Variants in CWC22 observed in about 807,000 individuals in gnomAD.
CWC22 encodes CWC22 spliceosome associated protein, also known as pre-mRNA-splicing factor CWC22 homolog.
A neutral mutation model predicts 117.2 loss-of-function variants in CWC22; 53 were observed. The ratio of observed to expected loss-of-function variants is 0.45; its 90% CI spans 0.36 to 0.57. The LOEUF is 0.57. Ranked by LOEUF, CWC22 falls within the 20% of genes least tolerant of loss-of-function variation. CWC22 has a pLI of 0.00. For synonymous variants in CWC22, 360 were observed against 355.6 expected (o/e 1.01, Z -0.14); for missense variants, 980 against 1,068.8 (o/e 0.92, Z 1.16).
intron 4 of CWC22, 24 bp from the exon 5 acceptor site, chr2:179,982,021 G>T: frequency 7.8e-7 from 1 of 1,288,146 alleles, no homozygotes; most frequent in Non-Finnish European, 1.1e-6. Flanking sequence ...TTTTTGAAGA[G>T]CAGAAAAGAC....
intron 19 of CWC22, 60 bp downstream of exon 19, chr2:179,950,452 A>T: frequency 1.0e-6 from 1 of 1,003,830 alleles, no homozygotes. Context: ...CTTCCTTCAT[A>T]TATATCAGCA....
chr2:179,976,815 G>A lies in CWC22; in HGVS notation c.581+1375C>T, dbSNP rs146984436. Among the ~76,000 whole-genome samples the A allele has an allele frequency of 4.0e-3, 607 of 152,256 alleles. 18 individuals are homozygous for A. The highest frequency in any genetic ancestry group is 0.01 in the Middle Eastern group (3 of 294). ...ACACTGTTGGTAGAAATATAAATTA[G>A]TACAGCCATTATGAAAATAGTATAG... On this transcript the variant is annotated intron_variant, in intron 6 of 19. Transcript: ENST00000410053.
chr2:179,988,662 G>A lies in CWC22; in HGVS notation c.28-18C>T, dbSNP rs146090859. On this transcript the variant is annotated intron_variant, in intron 2 of 19. Transcript: ENST00000410053. ...GAAGAAGGCTTTAAAAGAGGAAAAG[G>A]GGAAAACATTTCAAAAATTATTTAT... 1 of 1,396,550 alleles carries A rather than the reference G, an allele frequency of 7.2e-7. No homozygotes were observed. Among genetic ancestry groups the A allele is most frequent in the African/African-American group, 1.5e-5 (1 of 68,928 alleles). 86.5% of individuals were successfully genotyped at this position (1,396,550 alleles called of 1,614,324 possible).
chr2:179,997,555 A>C (rs1346973357), intron 1 of CWC22, among the ~76,000 whole-genome samples: 2 of 152,160 alleles, frequency 1.3e-5, no homozygotes. Flanking sequence ...AGGTATAGAG[A>C]GCCATAAAAC....
chr2:179,973,215 G>A lies in CWC22; in HGVS notation c.782C>T (p.Ala261Val), dbSNP rs767672916. The A allele has an allele frequency of 1.9e-6, 3 of 1,601,280 alleles. No homozygotes were observed. The highest frequency in any genetic ancestry group is 2.2e-5 in the East Asian group (1 of 44,612). Reference sequence around the variant, plus strand: ...TACCACATTTTGGTTAATAAGATGCGCCACAAATTTTGAAGCAGTCAGGCA... The same window carrying A: ...TACCACATTTTGGTTAATAAGATGCACCACAAATTTTGAAGCAGTCAGGCA... ...QLCLTASKFVAHLINQNVAHE... is the reference protein window; with the variant it reads ...QLCLTASKFVVHLINQNVAHE... The change falls in exon 8 of 20, where the codon GCG becomes GTG. Residue 261 changes from alanine (A) to valine (V), a missense_variant. Ala to Val is a moderately conservative substitution (Grantham distance 64). This residue lies in a region of CWC22 where 559 missense variants were observed against 602.3 expected (regional missense o/e 0.93). Transcript: ENST00000410053.
At chr2:179,966,996 G>C (rs2105523886) in intron 11 of CWC22, among the ~76,000 whole-genome samples, 1 of 152,256 alleles carries the variant, frequency 6.6e-6, no homozygotes, top group East Asian at 1.9e-4. Context: ...TAAATCTCAA[G>C]AATATTTCAA....
chr2:179,945,737 CAGTT>C, intron 19 of CWC22, 22 bp from the exon 20 acceptor site: 5 of 1,337,460 alleles, frequency 3.7e-6, no homozygotes, highest in Non-Finnish European at 5.2e-6. Flanking sequence ...AAATAAAAGA[CAGTT>C]AGCTTTTATT....
intron 5 of CWC22, among the ~76,000 whole-genome samples, chr2:179,978,593 C>A (rs777623071): frequency 3.9e-5 from 6 of 151,916 alleles, no homozygotes; most frequent in Non-Finnish European, 5.9e-5. Flanking sequence ...TGTTCTTATG[C>A]CTAGTACATT....
intron 5 of CWC22, among the ~76,000 whole-genome samples, chr2:179,981,328 TAC>T (rs1348232689): frequency 2.0e-5 from 3 of 152,210 alleles, no homozygotes; most frequent in Admixed American, 6.5e-5. Flanking sequence ...GTAAAATATT[TAC>T]AGTGTGGGCT....
chr2:179,954,229 T>C lies in CWC22; in HGVS notation c.1665A>G (p.Leu555=). 6.2e-7 allele frequency: 1 copy of C among 1,611,810 alleles called. No individual in the cohort carries two copies. The highest frequency in any genetic ancestry group is 1.1e-5 in the South Asian group (1 of 90,922). Reference sequence around the variant, plus strand: ...CACTCCATGGAAGTGAATCAGTGTATAAAAGGTGAGCAAACATCTTAGCAA... The same window carrying C: ...CACTCCATGGAAGTGAATCAGTGTACAAAAGGTGAGCAAACATCTTAGCAA... The part of the protein sequence containing the change: ...RNVAKMFAHL[L]YTDSLPWSVL... Residue 555 remains leucine, a synonymous_variant, in exon 16 of 20, where the codon TTA becomes TTG. Coordinates refer to ENST00000410053, the MANE Select transcript of CWC22 (RefSeq NM_020943.3).
intron 14 of CWC22, 129 bp from the exon 15 acceptor site, chr2:179,955,163 A>G: frequency 3.0e-6 from 2 of 668,956 alleles, no homozygotes; most frequent in Non-Finnish European, 5.0e-6. Context: ...AATTTTGTAA[A>G]TAAAATAAAA....
chr2:179,967,722 T>A (rs1374582254), intron 11 of CWC22, among the ~76,000 whole-genome samples: 2 of 137,456 alleles, frequency 1.5e-5, no homozygotes, highest in Non-Finnish European at 3.2e-5. Flanking sequence ...ATAAAGTTCA[T>A]ATATATAGCC....
chr2:179,950,963 G>T, intron 17 of CWC22, 37 bp from the exon 18 acceptor site: 2 of 1,256,792 alleles, frequency 1.6e-6, no homozygotes, highest in South Asian at 1.4e-5. Context: ...AGAACACATT[G>T]CTTAAAGATA....
At chr2:179,973,574 G>C in intron 7 of CWC22, 60 bp downstream of exon 7, 1 of 1,087,142 alleles carries the variant, frequency 9.2e-7, no homozygotes, top group Non-Finnish European at 1.3e-6. Flanking sequence ...TACTTTTGTT[G>C]ATACTGGTTT....
At chr2:179,945,782 C>A (rs1686278119) in intron 19 of CWC22, 67 bp from the exon 20 acceptor site, 1 of 987,428 alleles carries the variant, frequency 1.0e-6, no homozygotes, top group Non-Finnish European at 1.5e-6. Context: ...ATAACAATCA[C>A]ATTTACTGAT....
At position 179,973,190 on chromosome 2, in the gene CWC22, T is replaced by G. The variant is rs751716234; in HGVS notation, c.804+3A>C. ...GGACCAAGTATTGAAGATAATTACT[T>G]ACCACATTTTGGTTAATAAGATGCG... On this transcript the variant is annotated splice_donor_region_variant and intron_variant, in intron 8 of 19. Coordinates refer to ENST00000410053, the MANE Select transcript of CWC22 (RefSeq NM_020943.3). The G allele has an allele frequency of 3.8e-6, 6 of 1,591,546 alleles. No individual in the cohort carries two copies. Among genetic ancestry groups the G allele is most frequent in the Non-Finnish European group, 5.1e-6 (6 of 1,166,172 alleles).
chr2:179,998,967 C>T (rs1485286619), intron 1 of CWC22, among the ~76,000 whole-genome samples: 1 of 152,090 alleles, frequency 6.6e-6, no homozygotes, highest in Non-Finnish European at 1.5e-5. Context: ...TTTCAATTTA[C>T]ATATTTCAAT....
At position 179,970,521 on chromosome 2, in the gene CWC22, T is replaced by A; in HGVS notation, c.1190A>T (p.Lys397Met). Residue 397 changes from lysine to methionine, a missense_variant, in exon 11 of 20, where the codon AAG (lysine) becomes ATG (methionine). Physicochemically the swap from Lys to Met is moderately conservative, Grantham distance 95 (BLOSUM62 -1). Around this residue, in one of 3 missense-constraint regions of CWC22, gnomAD observed 559 missense variants for 602.3 expected, o/e 0.93. Transcript: ENST00000410053. ...CATACCTTTCTTAATAGCTTTGTAC[T>A]TCTCTTCATTCTCCATAAAATTAGG... The part of the protein sequence containing the change: ...MDPNFMENEE[K>M]YKAIKKEILD... 1.9e-6 allele frequency: 3 copies of A among 1,541,068 alleles called. No individual in the cohort carries two copies. Among genetic ancestry groups the A allele is most frequent in the Non-Finnish European group, 2.6e-6 (3 of 1,138,696 alleles).
In CWC22 at chr2:179,950,674, C is replaced by T. The variant is rs368906420; in HGVS notation, c.1978G>A (p.Asp660Asn). Residue 660 changes from aspartate to asparagine, a missense_variant, in exon 19 of 20, where the codon GAT (aspartate) becomes AAT (asparagine). Asp to Asn is a conservative substitution (Grantham distance 23). Around this residue, in one of 3 missense-constraint regions of CWC22, gnomAD observed 306 missense variants for 296.8 expected, o/e 1.03. Transcript: ENST00000410053. ...TPKVIVAQKP[D>N]VEQNKSSPSS... ...GGGGAGGATTTATTTTGCTCAACAT[C>T]TGGTTTCTGCGCCACAATGACCTTT... 30 of 1,613,492 alleles carry T rather than the reference C, an allele frequency of 1.9e-5. No homozygotes were observed. Among genetic ancestry groups the T allele is most frequent in the Non-Finnish European group, 2.5e-5 (29 of 1,179,620 alleles).
Sources: allele counts gnomAD v4.1 joint callset (sites outside exome capture counted in the v4.1 genomes callset), GRCh38; gene constraint gnomAD v4.1.1; regional missense constraint gnomAD v4.1.1; transcripts MANE v1.5; gene names NCBI Gene and HGNC (gene_info 2026-07-23, HGNC 2026-07-21).